Variants in DLG2 observed in about 807,000 individuals in gnomAD.
DLG2 encodes disks large homolog 2.
A neutral mutation model predicts 132.5 loss-of-function variants in DLG2; 45 were observed. The ratio of observed to expected loss-of-function variants is 0.34; its 90% CI spans 0.27 to 0.44. The LOEUF (loss-of-function observed/expected upper bound fraction) is 0.44, where lower values mean the gene tolerates loss of function less well. Ranked by LOEUF, DLG2 falls within the 20% of genes least tolerant of loss-of-function variation. The probability of loss-of-function intolerance (pLI) is 1.00; values close to 1 mark genes in which losing one functional copy is unlikely to be tolerated. For synonymous variants in DLG2, 424 were observed against 419.6 expected, an observed-to-expected ratio of 1.01 and a Z score of -0.13; for missense variants, 1,045 against 1,196.9, an observed-to-expected ratio of 0.87 and a Z score of 1.87.
chr11:84,404,331 C>G (rs2098841014), intron 7 of DLG2, among the ~76,000 whole-genome samples: 1 of 152,070 alleles, frequency 6.6e-6, no homozygotes, highest in Non-Finnish European at 1.5e-5. Context: ...CTTTTCCTAC[C>G]TAGTTCATTT....
chr11:84,905,027 C>A (rs2091348427), intron 6 of DLG2, among the ~76,000 whole-genome samples: 1 of 152,082 alleles, frequency 6.6e-6, no homozygotes, highest in Admixed American at 6.6e-5. Flanking sequence ...AGGCGTGCAC[C>A]ACCATGCCCA....
intron 21 of DLG2, among the ~76,000 whole-genome samples, chr11:83,523,931 A>G (rs1002248696): frequency 2.0e-5 from 3 of 152,164 alleles, no homozygotes; most frequent in African/African-American, 7.2e-5. Flanking sequence ...CTAAACAAGC[A>G]CAAGGTCAAA....
intron 8 of DLG2, among the ~76,000 whole-genome samples, chr11:84,196,910 G>C (rs896937176): frequency 6.6e-6 from 1 of 151,574 alleles, no homozygotes; most frequent in Admixed American, 6.6e-5. Flanking sequence ...GGTGGCCCAC[G>C]CCTGTAATCC....
rs144178257 is a variant in DLG2, at chr11:83,714,796, C to T, written c.1825+71894G>A. 6.5e-3 allele frequency among the ~76,000 whole-genome samples: 988 copies of T among 152,274 alleles called. 8 individuals are homozygous for T. Among genetic ancestry groups the T allele is most frequent in the Non-Finnish European group, 9.1e-3 (618 of 68,018 alleles). On this transcript the variant is annotated intron_variant, in intron 18 of 27. Transcript: ENST00000376104. ...CATGCAGGTTTGTTACATAGGTACA[C>T]GTGTGCCACGTTGGTGGGAGTGTAA... is the stretch of plus-strand genomic sequence containing the variant.
At chr11:83,926,282 G>T (rs2078970746) in intron 15 of DLG2, among the ~76,000 whole-genome samples, 1 of 152,136 alleles carries the variant, frequency 6.6e-6, no homozygotes, top group Non-Finnish European at 1.5e-5. Context: ...TCTAAATGTG[G>T]ATTAGGAATT....
chr11:84,932,292 T>C (rs2048186892), intron 6 of DLG2, among the ~76,000 whole-genome samples: 1 of 152,210 alleles, frequency 6.6e-6, no homozygotes, highest in Admixed American at 6.5e-5. Flanking sequence ...AGTTAATTTT[T>C]CTATATGGTG....
intron 7 of DLG2, among the ~76,000 whole-genome samples, chr11:84,280,721 G>A (rs746493094): frequency 4.6e-5 from 7 of 151,830 alleles, no homozygotes; most frequent in East Asian, 1.9e-4. Flanking sequence ...TTTTTGAGAC[G>A]GAGTCTCACT....
chr11:85,580,997 C>G (rs2078475069), intron 3 of DLG2, among the ~76,000 whole-genome samples: 1 of 152,134 alleles, frequency 6.6e-6, no homozygotes, highest in Admixed American at 6.6e-5. Flanking sequence ...CCCTTATCCT[C>G]TGGCTTCCAA....
intron 3 of DLG2, among the ~76,000 whole-genome samples, chr11:85,544,142 G>T (rs61133973): frequency 0.22 from 33,220 of 152,014 alleles, 4,279 homozygotes; most frequent in African/African-American, 0.34. Context: ...TTTAAGTCTT[G>T]AATCTGTCTT....
intron 7 of DLG2, among the ~76,000 whole-genome samples, chr11:84,495,618 T>C (rs1381456989): frequency 6.6e-6 from 1 of 152,208 alleles, no homozygotes; most frequent in Non-Finnish European, 1.5e-5. Flanking sequence ...AGTTATCATC[T>C]ATTTTGGGAA....
chr11:85,085,452 A>C (rs1213435298), intron 6 of DLG2, among the ~76,000 whole-genome samples: 2 of 152,058 alleles, frequency 1.3e-5, no homozygotes, highest in Non-Finnish European at 2.9e-5. Context: ...ATAATTGTTC[A>C]TTATCTTTGT....
intron 18 of DLG2, among the ~76,000 whole-genome samples, chr11:83,701,846 A>C (rs1043359865): frequency 6.6e-6 from 1 of 152,224 alleles, no homozygotes; most frequent in African/African-American, 2.4e-5. Flanking sequence ...CTTGATAGGT[A>C]AGCCTGGAGA....
At chr11:84,502,209 T>TCCTTCCTTC (rs2099211790) in intron 7 of DLG2, among the ~76,000 whole-genome samples, 1 of 1,004 alleles carries the variant, frequency 1.0e-3, no homozygotes, top group African/African-American at 0.012. Flanking sequence ...TCTCCTTCCT[T>TCCTTCCTTC]CCTTCCTTCC....
intron 16 of DLG2, among the ~76,000 whole-genome samples, chr11:83,862,503 T>G (rs1321740008): frequency 6.6e-6 from 1 of 152,074 alleles, no homozygotes; most frequent in African/African-American, 2.4e-5. Context: ...TATTTATAAA[T>G]TTATAAAGAA....
chr11:83,722,829 A>G (rs535805870), intron 18 of DLG2, among the ~76,000 whole-genome samples: 255 of 152,314 alleles, frequency 1.7e-3, no homozygotes, highest in Admixed American at 4.2e-3. Context: ...CTGTGACAAT[A>G]TATGTTCTTA....
intron 15 of DLG2, among the ~76,000 whole-genome samples, chr11:83,883,192 T>C (rs1043253048): frequency 2.0e-5 from 3 of 152,334 alleles, no homozygotes; most frequent in East Asian, 1.9e-4. Context: ...TGTTCCTTCA[T>C]CTTTTTTTTA....
chr11:85,294,621 T>C (rs2079108286), intron 3 of DLG2, among the ~76,000 whole-genome samples: 1 of 152,140 alleles, frequency 6.6e-6, no homozygotes, highest in Admixed American at 6.6e-5. Flanking sequence ...GGTTGAACAG[T>C]TATATAAAAC....
At chr11:83,960,579 T>C (rs1161959295) in intron 14 of DLG2, among the ~76,000 whole-genome samples, 1 of 151,916 alleles carries the variant, frequency 6.6e-6, no homozygotes, top group Non-Finnish European at 1.5e-5. Flanking sequence ...GAAAACTTCA[T>C]GGAGGGGGTT....
Position 84,078,519 on chromosome 11 carries a change from G to T in DLG2, c.750-19035C>A, listed in dbSNP as rs754931924. 7.9e-4 allele frequency among the ~76,000 whole-genome samples: 120 copies of T among 152,088 alleles called. 1 individual carries two copies. The highest frequency in any genetic ancestry group is 7.4e-5 in the Non-Finnish European group (5 of 68,014). On this transcript the variant is annotated intron_variant, in intron 10 of 27. Coordinates refer to ENST00000376104, the MANE Select transcript of DLG2 (RefSeq NM_001142699.3). ...ATGAATCATAGCAGAATTTAGGACG[G>T]TTAAGACATATACTTTATTTTTTTA...
Sources: gnomAD v4.1 joint callset for allele counts (sites outside exome capture counted in the v4.1 genomes callset) on GRCh38, gnomAD v4.1.1 for gene constraint, MANE v1.5 for transcripts, NCBI Gene and HGNC (gene_info 2026-07-23, HGNC 2026-07-21) for gene names.